The following FOXP1 variants were observed in gnomAD, a reference collection of about 807,000 sequenced individuals.
FOXP1 encodes the protein forkhead box P1.
Under a neutral mutation model 98.2 loss-of-function variants are expected in FOXP1, and 15 were observed. The ratio of observed to expected loss-of-function variants is 0.15; its 90% confidence interval spans 0.10 to 0.24. The LOEUF is 0.24. Among genes scored for constraint, FOXP1 ranks in the 10% least tolerant of loss-of-function variants. The pLI is 1.00. For synonymous variants in FOXP1, 371 were observed against 314.5 expected, an observed-to-expected ratio of 1.18 and a Z score of -1.90; for missense variants, 633 against 848.5, an observed-to-expected ratio of 0.75 and a Z score of 3.15.
intron 6 of FOXP1, among the ~76,000 whole-genome samples, chr3:71,179,641 ACATTACTGCTAGC>A (rs2062167167): frequency 6.6e-6 from 1 of 152,208 alleles, no homozygotes; most frequent in Non-Finnish European, 1.5e-5. Context: ...CTCATCAGCA[ACATTACTGCTAGC>A]TCTTTTCTCA....
chr3:71,010,921 C>G (rs2043516923), intron 12 of FOXP1, among the ~76,000 whole-genome samples: 1 of 136,326 alleles, frequency 7.3e-6, no homozygotes, highest in African/African-American at 2.8e-5. Context: ...CAGTTCGGTT[C>G]AATGGAAAAC....
At chr3:71,295,325 C>T (rs543685783) in intron 5 of FOXP1, among the ~76,000 whole-genome samples, 4 of 152,252 alleles carry the variant, frequency 2.6e-5, no homozygotes, top group East Asian at 1.9e-4. Context: ...TCAAATCACT[C>T]ACATATACAC....
intron 5 of FOXP1, among the ~76,000 whole-genome samples, chr3:71,268,182 C>T (rs2069924377): frequency 6.7e-6 from 1 of 149,392 alleles, no homozygotes; most frequent in Non-Finnish European, 1.5e-5. Flanking sequence ...ACTCCGCCTC[C>T]CGGGTTCACG....
At chr3:71,545,141 C>A (rs553059463) in intron 2 of FOXP1, among the ~76,000 whole-genome samples, 1 of 151,852 alleles carries the variant, frequency 6.6e-6, no homozygotes, top group Admixed American at 6.6e-5. Flanking sequence ...CATGTACATG[C>A]GCGCATATGC....
chr3:71,562,115 G>A (rs575146989), intron 2 of FOXP1, among the ~76,000 whole-genome samples: 35 of 152,246 alleles, frequency 2.3e-4, no homozygotes, highest in South Asian at 1.2e-3. Flanking sequence ...TCTATCCTCC[G>A]AGCTGTCAAG....
intron 6 of FOXP1, among the ~76,000 whole-genome samples, chr3:71,196,224 C>A (rs553318232): frequency 6.6e-6 from 1 of 152,200 alleles, no homozygotes; most frequent in East Asian, 1.9e-4. Flanking sequence ...GTGTCAATAA[C>A]CCATAACAAC....
At chr3:71,459,524 T>C (rs2087817157) in intron 3 of FOXP1, among the ~76,000 whole-genome samples, 1 of 152,218 alleles carries the variant, frequency 6.6e-6, no homozygotes, top group African/African-American at 2.4e-5. Flanking sequence ...TTCTATTCAG[T>C]TAATAAAGAT....
At chr3:71,144,778 G>A (rs13070108) in intron 6 of FOXP1, among the ~76,000 whole-genome samples, 112,710 of 151,860 alleles carry the variant, frequency 0.74, 44,414 homozygotes, top group East Asian at 0.95. Flanking sequence ...CAGCACAGTC[G>A]GGATACAGAA....
At chr3:71,384,158 T>C in intron 3 of FOXP1, among the ~76,000 whole-genome samples, 1 of 152,118 alleles carries the variant, frequency 6.6e-6, no homozygotes, top group African/African-American at 2.4e-5. Flanking sequence ...AGGTGGAGGT[T>C]GCAGTGAGCT....
At chr3:71,116,922 G>A (rs1349979513) in intron 6 of FOXP1, among the ~76,000 whole-genome samples, 1 of 152,084 alleles carries the variant, frequency 6.6e-6, no homozygotes, top group Non-Finnish European at 1.5e-5. Flanking sequence ...TTGATCAGTG[G>A]AAAATGTGGA....
At chr3:71,414,896 T>C (rs2083091783) in intron 3 of FOXP1, among the ~76,000 whole-genome samples, 1 of 152,254 alleles carries the variant, frequency 6.6e-6, no homozygotes, top group Non-Finnish European at 1.5e-5. Context: ...ATTCAAATCC[T>C]GCATCTGGCT....
intron 5 of FOXP1, among the ~76,000 whole-genome samples, chr3:71,231,190 A>G (rs2066257986): frequency 6.6e-6 from 1 of 152,236 alleles, no homozygotes; most frequent in African/African-American, 2.4e-5. Context: ...TGAACCATGA[A>G]TCAATTTTAT....
At chr3:71,557,341 T>A (rs1015539108) in intron 2 of FOXP1, among the ~76,000 whole-genome samples, 1 of 151,738 alleles carries the variant, frequency 6.6e-6, no homozygotes, top group African/African-American at 2.4e-5. Flanking sequence ...AATGGTCAAT[T>A]TATATCTTTC....
At chr3:71,438,325 A>C (rs538493562) in intron 3 of FOXP1, among the ~76,000 whole-genome samples, 1 of 152,182 alleles carries the variant, frequency 6.6e-6, no homozygotes, top group Non-Finnish European at 1.5e-5. Context: ...CATCGGCCGG[A>C]AAGTACTGGT....
chr3:71,231,861 C>A (rs1041699875), intron 5 of FOXP1, among the ~76,000 whole-genome samples: 1 of 152,242 alleles, frequency 6.6e-6, no homozygotes, highest in Non-Finnish European at 1.5e-5. Flanking sequence ...GGGGAACAGG[C>A]AATTTGCCAA....
At chr3:71,251,704 A>T (rs1017730485) in intron 5 of FOXP1, among the ~76,000 whole-genome samples, 6 of 152,204 alleles carry the variant, frequency 3.9e-5, no homozygotes, top group African/African-American at 1.4e-4. Context: ...AAAGTCAACA[A>T]AGTGCGTTGG....
At chr3:71,020,980 A>G (rs529121725) in intron 11 of FOXP1, among the ~76,000 whole-genome samples, 2 of 152,346 alleles carry the variant, frequency 1.3e-5, no homozygotes, top group East Asian at 3.9e-4. Flanking sequence ...GATAAATTAA[A>G]TTACAGAAGA....
intron 11 of FOXP1, among the ~76,000 whole-genome samples, chr3:71,024,003 T>C (rs2045786567): frequency 6.6e-6 from 1 of 152,210 alleles, no homozygotes; most frequent in Non-Finnish European, 1.5e-5. Context: ...TTACAGTGTA[T>C]TCTTCTGGCG....
At chr3:71,530,685 T>A (rs1005661507) in intron 2 of FOXP1, among the ~76,000 whole-genome samples, 1 of 152,202 alleles carries the variant, frequency 6.6e-6, no homozygotes, top group Non-Finnish European at 1.5e-5. Flanking sequence ...GTTAAGCCCT[T>A]TCTAAGCACT....
Sources: allele counts gnomAD v4.1 joint callset (sites outside exome capture counted in the v4.1 genomes callset), GRCh38; gene constraint gnomAD v4.1.1; transcripts MANE v1.5; gene names NCBI Gene and HGNC (gene_info 2026-07-23, HGNC 2026-07-21).